Variants in CSRP2 observed in about 807,000 individuals in gnomAD.
CSRP2 encodes cysteine and glycine-rich protein 2.
A neutral mutation model predicts 24.6 loss-of-function variants in CSRP2; 18 were observed. That is an observed-to-expected ratio of 0.73 (90% CI 0.51 to 1.09). The LOEUF is 1.09. Ranked by LOEUF, CSRP2 falls within the 50% of genes least tolerant of loss-of-function variation. The pLI is 0.00. For synonymous variants in CSRP2, 87 were observed against 84.3 expected, an observed-to-expected ratio of 1.03 and a Z score of -0.18; for missense variants, 215 against 239.4, an observed-to-expected ratio of 0.90 and a Z score of 0.67.
chr12:76,873,135 C>T (rs920801962), intron 1 of CSRP2, among the ~76,000 whole-genome samples: 14 of 152,128 alleles, frequency 9.2e-5, no homozygotes, highest in Admixed American at 3.3e-4. Flanking sequence ...TTCTAAATGC[C>T]TCCAGAAGCT....
At chr12:76,862,233 A>T (rs1439790684) in intron 3 of CSRP2, 2 of 152,184 alleles carry the variant, frequency 1.3e-5, no homozygotes, top group Non-Finnish European at 2.9e-5. Context: ...ACTGGGTTAA[A>T]AGTAGGAGTT....
chr12:76,867,478 C>T (rs965417522), intron 1 of CSRP2, among the ~76,000 whole-genome samples: 4 of 152,096 alleles, frequency 2.6e-5, no homozygotes, highest in African/African-American at 9.7e-5. Context: ...CACTGCACTC[C>T]AGCCTGGGCG....
chr12:76,865,175 C>G (rs1274093546), intron 2 of CSRP2, among the ~76,000 whole-genome samples: 2 of 152,208 alleles, frequency 1.3e-5, no homozygotes. Flanking sequence ...GCATATGTTA[C>G]TATGGTGTAG....
chr12:76,862,920 T>C lies in CSRP2; in HGVS notation c.281+256A>G, dbSNP rs1444161952. On this transcript the variant is annotated intron_variant, in intron 3 of 5. Coordinates refer to ENST00000311083, the MANE Select transcript of CSRP2 (RefSeq NM_001321.3). ...TGAAATTGAAGTAAATACAAATCAC[T>C]TGCTTTTGAGAACACGACTCCTTGA... 39 of 1,517,760 alleles carry C rather than the reference T, an allele frequency of 2.6e-5. 1 individual carries two copies. Among genetic ancestry groups the C allele is most frequent in the East Asian group, 2.0e-4 (8 of 40,842 alleles). The allele number at this position is 1,517,760 out of a possible 1,614,324, so 94.0% of individuals were successfully genotyped here.
At chr12:76,862,999 A>C in intron 3 of CSRP2, 177 bp downstream of exon 3, 11 of 1,444,792 alleles carry the variant, frequency 7.6e-6, no homozygotes, top group Non-Finnish European at 1.0e-5. Flanking sequence ...ATTATTAATA[A>C]GAACTTTGTT....
chr12:76,866,918 T>G (rs1269565261), intron 1 of CSRP2, among the ~76,000 whole-genome samples: 2 of 152,176 alleles, frequency 1.3e-5, no homozygotes, highest in Non-Finnish European at 2.9e-5. Flanking sequence ...TGGCTCCGGC[T>G]TAAGTTTCTA....
intron 3 of CSRP2, 30 bp from the exon 4 acceptor site, chr12:76,860,443 AAG>A: frequency 6.2e-7 from 1 of 1,610,322 alleles, no homozygotes; most frequent in Non-Finnish European, 8.5e-7. Flanking sequence ...AAAAGTAGGC[AAG>A]AGTTTCCACA....
chr12:76,867,331 TTA>T (rs1491367163), intron 1 of CSRP2, among the ~76,000 whole-genome samples: 17 of 91,436 alleles, frequency 1.9e-4, no homozygotes, highest in African/African-American at 2.7e-4. Context: ...TCTGCTAAAT[TTA>T]AAAAAAAAAA....
At chr12:76,870,827 GC>G in intron 1 of CSRP2, among the ~76,000 whole-genome samples, 1 of 151,824 alleles carries the variant, frequency 6.6e-6, no homozygotes, top group South Asian at 2.1e-4. Flanking sequence ...AAAGAAATTA[GC>G]CAGGCATGGT....
intron 1 of CSRP2, among the ~76,000 whole-genome samples, chr12:76,869,794 T>G (rs1953778407): frequency 6.6e-6 from 1 of 152,198 alleles, no homozygotes; most frequent in South Asian, 2.1e-4. Context: ...TTCTCCTCCC[T>G]GGAGACAGGC....
intron 1 of CSRP2, chr12:76,878,065 G>A (rs1175362986): frequency 6.9e-6 from 1 of 144,000 alleles, no homozygotes; most frequent in Non-Finnish European, 1.5e-5. Context: ...AACATTTTGG[G>A]TAGCCATTTA....
At chr12:76,864,295 G>T (rs1463173508) in intron 2 of CSRP2, 1 of 152,186 alleles carries the variant, frequency 6.6e-6, no homozygotes, top group Non-Finnish European at 1.5e-5. Flanking sequence ...ACAATTGTAT[G>T]ATGATTCAGA....
chr12:76,859,455 T>G (rs759291191), intron 5 of CSRP2, 92 bp downstream of exon 5: 2 of 789,870 alleles, frequency 2.5e-6, no homozygotes, highest in South Asian at 4.1e-5. Context: ...GGCATACTTT[T>G]CTTTTTTTTT....
At chr12:76,871,533 G>T (rs1205198834) in intron 1 of CSRP2, among the ~76,000 whole-genome samples, 1 of 152,204 alleles carries the variant, frequency 6.6e-6, no homozygotes, top group African/African-American at 2.4e-5. Flanking sequence ...CACTTTGGGA[G>T]GCCAAGGCGG....
chr12:76,868,387 C>T (rs904967818), intron 1 of CSRP2, among the ~76,000 whole-genome samples: 2 of 151,714 alleles, frequency 1.3e-5, no homozygotes, highest in East Asian at 1.9e-4. Flanking sequence ...GAGTCTTTCG[C>T]GTGCTGGTCT....
At chr12:76,877,915 CGA>C in intron 1 of CSRP2, among the ~76,000 whole-genome samples, 1 of 152,240 alleles carries the variant, frequency 6.6e-6, no homozygotes, top group South Asian at 2.1e-4. Context: ...GAACTAAATA[CGA>C]CGATTTTCGC....
intron 1 of CSRP2, among the ~76,000 whole-genome samples, chr12:76,877,039 G>C (rs1374048502): frequency 6.6e-6 from 1 of 152,206 alleles, no homozygotes; most frequent in Non-Finnish European, 1.5e-5. Flanking sequence ...GTGTGAATTT[G>C]GTCCTGCCTG....
intron 1 of CSRP2, among the ~76,000 whole-genome samples, chr12:76,873,053 T>C (rs1424984046): frequency 6.6e-6 from 1 of 152,206 alleles, no homozygotes; most frequent in East Asian, 1.9e-4. Flanking sequence ...ATGTTACCAT[T>C]TAAAGTTTAA....
intron 3 of CSRP2, chr12:76,862,590 T>C (rs1427826021): frequency 9.9e-6 from 5 of 504,524 alleles, no homozygotes; most frequent in African/African-American, 9.9e-5. Context: ...AAATAAGTTA[T>C]TTAACCTGAA....
Sources: gnomAD v4.1 joint callset for allele counts (sites outside exome capture counted in the v4.1 genomes callset) on GRCh38, gnomAD v4.1.1 for gene constraint, MANE v1.5 for transcripts, NCBI Gene and HGNC (gene_info 2026-07-23, HGNC 2026-07-21) for gene names.